The following PRKCB variants were observed in gnomAD, a reference collection of about 807,000 sequenced individuals.
PRKCB encodes the protein protein kinase C beta type.
PRKCB carries 13 observed loss-of-function variants against 81.5 expected under a neutral mutation model. That is an observed-to-expected ratio of 0.16 (90% confidence interval 0.10 to 0.25). PRKCB has a LOEUF of 0.25. PRKCB is among the 10% of genes least tolerant of loss of function. The probability of loss-of-function intolerance (pLI) is 1.00; values close to 1 mark genes in which losing one functional copy is unlikely to be tolerated. For missense variants in PRKCB, 509 were observed against 875.7 expected, an observed-to-expected ratio of 0.58 and a Z score of 5.29; for synonymous variants, 335 against 321.4, an observed-to-expected ratio of 1.04 and a Z score of -0.45.
intron 7 of PRKCB, among the ~76,000 whole-genome samples, chr16:24,096,709 T>C: frequency 9.5e-6 from 1 of 104,812 alleles, no homozygotes; most frequent in Non-Finnish European, 2.0e-5. Flanking sequence ...ATATATATCC[T>C]CCAATGTTAC....
rs1967679382 is a variant in PRKCB at position 24,184,888 on chromosome 16, TAAC to T, written c.1534-220_1534-218del. Among the ~76,000 whole-genome samples, 3 of 152,330 alleles carry T rather than the reference TAAC, an allele frequency of 2.0e-5. No individual in the cohort carries two copies. In the South Asian group the frequency reaches 6.2e-4, roughly 32 times the overall value. Reference sequence around the variant, plus strand: ...ATGCTCACTGTTTTGAAAATAATAATAACAATACACCTTACTTAGTGCTTCGAA... The same window carrying T: ...ATGCTCACTGTTTTGAAAATAATAATAATACACCTTACTTAGTGCTTCGAA... On this transcript the variant is annotated intron_variant, in intron 13 of 16. Coordinates refer to ENST00000643927, the MANE Select transcript of PRKCB (RefSeq NM_002738.7).
At chr16:24,111,019 A>C (rs1335852361) in intron 7 of PRKCB, 1 of 152,244 alleles carries the variant, frequency 6.6e-6, no homozygotes, top group Admixed American at 6.5e-5. Context: ...TGAATGGATA[A>C]AGTTAAAGTT....
Position 24,215,044 on chromosome 16 carries a change from A to T in PRKCB, c.*228A>T. On this transcript the variant is annotated 3_prime_UTR_variant, in exon 17 of 17. Coordinates refer to ENST00000643927, the MANE Select transcript of PRKCB (RefSeq NM_002738.7). ...AATGCAGCTGCATAATTAACACATTATCAAAGTCCTCTTACAATTTATTTT... is the reference window on the plus strand; with the variant it reads ...AATGCAGCTGCATAATTAACACATTTTCAAAGTCCTCTTACAATTTATTTT... 15 of 1,304,320 alleles carry T rather than the reference A, an allele frequency of 1.2e-5. No homozygotes were observed. The highest frequency in any genetic ancestry group is 1.5e-5 in the Non-Finnish European group (15 of 1,023,598). The allele number at this position is 1,304,320 out of a possible 1,614,324, so 80.8% of individuals were successfully genotyped here.
At chr16:23,875,965 G>T (rs910448076) in intron 2 of PRKCB, among the ~76,000 whole-genome samples, 2 of 152,156 alleles carry the variant, frequency 1.3e-5, no homozygotes, top group Non-Finnish European at 2.9e-5. Context: ...TGACTTTTTG[G>T]GGTGGATATG....
intron 5 of PRKCB, among the ~76,000 whole-genome samples, chr16:24,092,340 G>T (rs1388700823): frequency 6.6e-6 from 1 of 152,212 alleles, no homozygotes; most frequent in Non-Finnish European, 1.5e-5. Context: ...CAGCCAAAAA[G>T]TGGAAACAAC....
At chr16:24,177,574 A>G (rs1967554516) in intron 12 of PRKCB, among the ~76,000 whole-genome samples, 1 of 152,216 alleles carries the variant, frequency 6.6e-6, no homozygotes, top group Non-Finnish European at 1.5e-5. Flanking sequence ...ATACTTACTC[A>G]AGACCTTGAA....
chr16:24,133,200 C>G (rs1213978708), intron 9 of PRKCB, among the ~76,000 whole-genome samples: 1 of 151,906 alleles, frequency 6.6e-6, no homozygotes, highest in Non-Finnish European at 1.5e-5. Flanking sequence ...GACCCCATCT[C>G]TATAAAAGCA....
chr16:24,071,951 GTTA>G (rs538537436), intron 5 of PRKCB, among the ~76,000 whole-genome samples: 50 of 152,256 alleles, frequency 3.3e-4, no homozygotes, highest in African/African-American at 1.2e-3. Flanking sequence ...CAGCAAGGAT[GTTA>G]TTATTATCAT....
At chr16:23,915,146 T>A (rs1238691908) in intron 2 of PRKCB, among the ~76,000 whole-genome samples, 6 of 152,196 alleles carry the variant, frequency 3.9e-5, no homozygotes, top group African/African-American at 1.4e-4. Flanking sequence ...GGGGACTCCT[T>A]AGACTAATGC....
chr16:24,013,387 C>T (rs1596511332), intron 3 of PRKCB, among the ~76,000 whole-genome samples: 1 of 152,168 alleles, frequency 6.6e-6, no homozygotes. Flanking sequence ...TGACAAAGAA[C>T]CCAGATTCTG....
chr16:23,934,765 G>A (rs896430944), intron 2 of PRKCB, among the ~76,000 whole-genome samples: 8 of 152,154 alleles, frequency 5.3e-5, no homozygotes, highest in Non-Finnish European at 2.9e-5. Context: ...ATGGAGAGAG[G>A]AGATGGTGCA....
chr16:23,861,173 CTTT>C (rs773799217), intron 2 of PRKCB, among the ~76,000 whole-genome samples: 1 of 144,188 alleles, frequency 6.9e-6, no homozygotes. Context: ...TGCATTAGTT[CTTT>C]TTTTTTTTTT....
chr16:24,174,494 C>CTTTTTTTTTTTTT, intron 11 of PRKCB, 24 bp from the exon 12 acceptor site: 1 of 1,513,950 alleles, frequency 6.6e-7, no homozygotes, highest in Non-Finnish European at 9.0e-7. Context: ...TTCTCCATCG[C>CTTTTTTTTTTTTT]TTTTTTTTTT....
intron 9 of PRKCB, among the ~76,000 whole-genome samples, chr16:24,138,355 G>T (rs1966872224): frequency 6.6e-6 from 1 of 152,208 alleles, no homozygotes; most frequent in African/African-American, 2.4e-5. Flanking sequence ...TTGTTGCCAT[G>T]AATGACAGGA....
At position 24,220,143 on chromosome 16, in the gene PRKCB, G is replaced by T; in HGVS notation, c.*5327G>T. 1 of 1,612,476 alleles carries T rather than the reference G, an allele frequency of 6.2e-7. No homozygotes were observed. The highest frequency in any genetic ancestry group is 8.5e-7 in the Non-Finnish European group (1 of 1,179,038). ...ATGCAAACTCCATCGTTGAGCCTGG[G>T]GTGTAAGACTTCAAGCCAAGCGTAT... On this transcript the variant is annotated 3_prime_UTR_variant, in exon 17 of 17. Transcript: ENST00000643927.
chr16:23,949,741 C>G (rs150500662), intron 2 of PRKCB, among the ~76,000 whole-genome samples: 1 of 152,194 alleles, frequency 6.6e-6, no homozygotes, highest in Admixed American at 6.5e-5. Context: ...TGAAGCCAGG[C>G]AGGTACCAGT....
chr16:24,133,248 A>C (rs149428852), intron 9 of PRKCB, among the ~76,000 whole-genome samples: 1,545 of 152,300 alleles, frequency 0.01, 12 homozygotes, highest in Middle Eastern at 0.017. Flanking sequence ...TTTTCAGTGT[A>C]AGTTGCTGCC....
chr16:24,093,096 T>C, intron 6 of PRKCB, 149 bp downstream of exon 6: 1 of 869,940 alleles, frequency 1.1e-6, no homozygotes, highest in Non-Finnish European at 1.7e-6. Context: ...CTCCTATCTT[T>C]CCCTCCCTTC....
At chr16:23,870,096 T>C (rs1962879775) in intron 2 of PRKCB, among the ~76,000 whole-genome samples, 1 of 152,140 alleles carries the variant, frequency 6.6e-6, no homozygotes, top group East Asian at 1.9e-4. Context: ...AGAATCTGAT[T>C]TTGAAATATC....
Sources: allele counts gnomAD v4.1 joint callset (sites outside exome capture counted in the v4.1 genomes callset), GRCh38; gene constraint gnomAD v4.1.1; transcripts MANE v1.5; gene names NCBI Gene and HGNC (gene_info 2026-07-23, HGNC 2026-07-21).